Variants in PIEZO2 observed in about 807,000 individuals in gnomAD.
The protein encoded by PIEZO2 is piezo type mechanosensitive ion channel component 2, also known as piezo-type mechanosensitive ion channel component 2.
Under a neutral mutation model 337.3 loss-of-function variants are expected in PIEZO2, and 172 were observed. The observed-to-expected ratio is 0.51, with a 90% CI of 0.45 to 0.58. PIEZO2 has a LOEUF of 0.58. PIEZO2 is among the 20% of genes least tolerant of loss of function. PIEZO2 has a pLI of 0.00. For synonymous variants in PIEZO2, 1,251 were observed against 1,228.5 expected, an observed-to-expected ratio of 1.02 and a Z score of -0.38; for missense variants, 3,028 against 3,391.3, an observed-to-expected ratio of 0.89 and a Z score of 2.66.
intron 4 of PIEZO2, among the ~76,000 whole-genome samples, chr18:10,909,500 C>T (rs1043639603): frequency 8.1e-6 from 1 of 124,176 alleles, no homozygotes; most frequent in Admixed American, 9.0e-5. Flanking sequence ...ATGCTAAAGA[C>T]TTATTTGTAT....
rs1330929611 is a variant in PIEZO2, at chr18:11,112,448, TACTCCA to T, written c.64+36071_64+36076del. On this transcript the variant is annotated intron_variant, in intron 1 of 55. Transcript: ENST00000674853. The surrounding 1 kb of genome is among the most constrained non-coding windows in gnomAD (Gnocchi z 4.3). ...ATCTAAGTGTCATGACCAAAATATG[TACTCCA>T]ACTCCATCATTTATTTACATGGAAC... Among the ~76,000 whole-genome samples, 2 of 152,234 alleles carry T rather than the reference TACTCCA, an allele frequency of 1.3e-5. No individual in the cohort carries two copies. The highest frequency in any genetic ancestry group is 1.5e-5 in the Non-Finnish European group (1 of 68,038).
chr18:10,736,708 C>T lies in PIEZO2; in HGVS notation c.4711G>A (p.Val1571Ile). 1 of 1,534,502 alleles carries T rather than the reference C, an allele frequency of 6.5e-7. No homozygotes were observed. The highest frequency in any genetic ancestry group is 2.4e-5 in the East Asian group (1 of 40,880). Residue 1571 changes from valine (V) to isoleucine (I), a missense_variant and splice_region_variant, in exon 34 of 56, where the codon GTC (valine) becomes ATC (isoleucine). Physicochemically the swap from Val to Ile is conservative, Grantham distance 29 (BLOSUM62 3). This residue lies in a region of PIEZO2 where 1,925 missense variants were observed against 2,051.9 expected (regional missense o/e 0.94). Coordinates refer to ENST00000674853, the MANE Select transcript of PIEZO2 (RefSeq NM_001378183.1). ...AACAAATAATAATCTCCACTCCTGA[C>T]CACTAAGCAAAACAAAATATTCACT... ...WRPWVDHASM[V>I]RSGDYYLFET...
intron 7 of PIEZO2, among the ~76,000 whole-genome samples, chr18:10,816,935 T>A (rs1439446610): frequency 6.6e-6 from 1 of 152,142 alleles, no homozygotes; most frequent in African/African-American, 2.4e-5. Context: ...ACGTTGGGGC[T>A]CATCAAGCAG....
chr18:10,731,657 A>C, intron 35 of PIEZO2, 136 bp from the exon 36 acceptor site: 1 of 438,028 alleles, frequency 2.3e-6, no homozygotes, highest in Non-Finnish European at 3.7e-6. Flanking sequence ...TTTTATTATC[A>C]TGAGATTCAA....
chr18:10,999,045 G>A (rs1219617693), intron 2 of PIEZO2, among the ~76,000 whole-genome samples: 1 of 151,966 alleles, frequency 6.6e-6, no homozygotes, highest in African/African-American at 2.4e-5. Flanking sequence ...ATGCAAATGT[G>A]GAGGATCCAT....
At position 10,765,919 on chromosome 18, in the gene PIEZO2, A is replaced by G. The variant is rs1022983705; in HGVS notation, c.2947-2821T>C. ...GGGCCGGGAAGGTGAGCTGATGTCC[A>G]AAACAAGAGAAAGGAGAGCTTCAAT... On this transcript the variant is annotated intron_variant, in intron 21 of 55. Transcript: ENST00000674853. Among the ~76,000 whole-genome samples, 20 of 152,306 alleles carry G rather than the reference A, an allele frequency of 1.3e-4. No homozygotes were observed. The East Asian group carries it at 2.1e-3, about 16-fold the overall frequency.
intron 1 of PIEZO2, among the ~76,000 whole-genome samples, chr18:11,093,124 G>A (rs922208528): frequency 6.6e-6 from 1 of 152,198 alleles, no homozygotes; most frequent in Admixed American, 6.5e-5. Context: ...ATATGCTGTA[G>A]ATTGTTAGGT....
chr18:10,685,044 C>A (rs1022244911), intron 49 of PIEZO2, among the ~76,000 whole-genome samples: 3 of 152,208 alleles, frequency 2.0e-5, no homozygotes, highest in Admixed American at 6.5e-5. Context: ...GAAAGTGGTG[C>A]ATGGAAGTCA....
At chr18:10,914,302 C>T (rs552352773) in intron 3 of PIEZO2, among the ~76,000 whole-genome samples, 170 of 150,194 alleles carry the variant, frequency 1.1e-3, no homozygotes, top group African/African-American at 3.8e-3. Context: ...GAAACAGCAA[C>T]AATAATTAAA....
rs745466403 is a variant in PIEZO2, at chr18:11,104,968, C to T, written c.65-38746G>A. Among the ~76,000 whole-genome samples the T allele has an allele frequency of 6.6e-6, 1 of 152,114 alleles. No individual in the cohort carries two copies. The highest frequency in any genetic ancestry group is 6.5e-5 in the Admixed American group (1 of 15,276). On this transcript the variant is annotated intron_variant, in intron 1 of 55. Coordinates refer to ENST00000674853, the MANE Select transcript of PIEZO2 (RefSeq NM_001378183.1). The surrounding 1 kb of genome is among the most constrained non-coding windows in gnomAD (Gnocchi z 4.6). ...GGGCCACAGCGTGTCCTCTCTGGGA[C>T]TTTCGCTGGAGCTAATGGAAAAGAG...
At chr18:10,994,551 A>T (rs979746162) in intron 2 of PIEZO2, among the ~76,000 whole-genome samples, 1 of 151,632 alleles carries the variant, frequency 6.6e-6, no homozygotes, top group African/African-American at 2.4e-5. Context: ...CTGGGCTTAC[A>T]GGTGCATGCC....
intron 5 of PIEZO2, among the ~76,000 whole-genome samples, chr18:10,858,551 T>C (rs1019102287): frequency 6.6e-6 from 1 of 152,182 alleles, no homozygotes; most frequent in African/African-American, 2.4e-5. Context: ...CCTCTCCATG[T>C]TCCCATTTTT....
At chr18:10,756,883 A>C (rs1013897634) in intron 27 of PIEZO2, among the ~76,000 whole-genome samples, 36 of 131,632 alleles carry the variant, frequency 2.7e-4, no homozygotes, top group African/African-American at 1.0e-3. Flanking sequence ...ATGAGGAGGA[A>C]GGATGCAGGA....
chr18:10,949,719 G>T (rs1417976357), intron 3 of PIEZO2, among the ~76,000 whole-genome samples: 1 of 152,216 alleles, frequency 6.6e-6, no homozygotes, highest in African/African-American at 2.4e-5. Context: ...GAGAGAAGGT[G>T]TTTTCTTTCC....
rs77610672 is a variant in PIEZO2 at position 11,104,132 on chromosome 18, T to G, written c.65-37910A>C. On this transcript the variant is annotated intron_variant, in intron 1 of 55. Coordinates refer to ENST00000674853, the MANE Select transcript of PIEZO2 (RefSeq NM_001378183.1). This position sits in a 1 kb window ranked among gnomAD's most constrained non-coding sequence, Gnocchi z 4.6. ...TTCTTATCATAGCTTTCACTGGGAT[T>G]GCAATATAACATATGTCTAGTACCA... Among the ~76,000 whole-genome samples, 1,221 of 152,318 alleles carry G rather than the reference T, an allele frequency of 8.0e-3. 17 individuals carry two copies. Among genetic ancestry groups the G allele is most frequent in the African/African-American group, 0.028 (1,146 of 41,570 alleles).
intron 15 of PIEZO2, 122 bp downstream of exon 15, chr18:10,788,957 G>A: frequency 8.7e-7 from 1 of 1,151,004 alleles, no homozygotes; most frequent in Non-Finnish European, 1.2e-6. Context: ...TACGATGTTT[G>A]AATCTTGCCA....
chr18:10,811,818 T>C (rs1014107968), intron 7 of PIEZO2, among the ~76,000 whole-genome samples: 3 of 152,336 alleles, frequency 2.0e-5, no homozygotes, highest in African/African-American at 7.2e-5. Context: ...GAAATAACAC[T>C]AGTTGTTGTT....
intron 2 of PIEZO2, among the ~76,000 whole-genome samples, chr18:11,034,544 C>G (rs913562166): frequency 6.6e-6 from 1 of 152,152 alleles, no homozygotes. Context: ...CTGCCCGCCT[C>G]GGCCTCCCAA....
intron 3 of PIEZO2, among the ~76,000 whole-genome samples, chr18:10,915,372 C>A (rs1164766199): frequency 6.0e-5 from 9 of 149,302 alleles, no homozygotes; most frequent in African/African-American, 2.2e-4. Flanking sequence ...GAAAAAATAA[C>A]CTGGGTCACC....
Sources: allele counts gnomAD v4.1 joint callset (sites outside exome capture counted in the v4.1 genomes callset), GRCh38; gene constraint gnomAD v4.1.1; regional missense constraint gnomAD v4.1.1; non-coding constraint Gnocchi (gnomAD v3.1); transcripts MANE v1.5; gene names NCBI Gene and HGNC (gene_info 2026-07-23, HGNC 2026-07-21).